CCDC167: variants seen among roughly 807,000 people sequenced by gnomAD.
The protein encoded by CCDC167 is coiled-coil domain-containing protein 167.
A neutral mutation model predicts 12.7 loss-of-function variants in CCDC167; 15 were observed. The observed-to-expected ratio is 1.18, with a 90% CI of 0.79 to 1.81. CCDC167 has a LOEUF of 1.81. Among genes scored for constraint, CCDC167 ranks in the 40% most tolerant of loss-of-function variants. The pLI is 0.00. For synonymous variants in CCDC167, 52 were observed against 49.0 expected, an observed-to-expected ratio of 1.06 and a Z score of -0.26; for missense variants, 121 against 120.1, an observed-to-expected ratio of 1.01 and a Z score of -0.03.
At chr6:37,485,054 TG>T (rs1240794958) in intron 2 of CCDC167, 45 bp downstream of exon 2, 2 of 1,259,532 alleles carry the variant, frequency 1.6e-6, no homozygotes, top group Non-Finnish European at 2.2e-6. Flanking sequence ...ATACAGGGGG[TG>T]GGGGCCTGAT....
At chr6:37,486,726 C>A (rs887290446) in intron 1 of CCDC167, among the ~76,000 whole-genome samples, 3 of 152,172 alleles carry the variant, frequency 2.0e-5, no homozygotes, top group Admixed American at 6.5e-5. Flanking sequence ...ACAGACCCAG[C>A]CAGGAGATGG....
chr6:37,493,363 C>A (rs1395810110), intron 1 of CCDC167, among the ~76,000 whole-genome samples: 2 of 152,230 alleles, frequency 1.3e-5, no homozygotes, highest in African/African-American at 2.4e-5. Flanking sequence ...AAAGCTTGTT[C>A]ATCGCTGAAA....
chr6:37,496,627 A>G (rs1268344932), intron 1 of CCDC167, among the ~76,000 whole-genome samples: 1 of 152,180 alleles, frequency 6.6e-6, no homozygotes, highest in Non-Finnish European at 1.5e-5. Flanking sequence ...AAAGAAATAC[A>G]AAGGCTGGAG....
At chr6:37,490,221 G>A (rs911526466) in intron 1 of CCDC167, among the ~76,000 whole-genome samples, 2 of 152,146 alleles carry the variant, frequency 1.3e-5, no homozygotes, top group South Asian at 2.1e-4. Context: ...CTGTGTGAGC[G>A]GTCCAGGGGC....
intron 1 of CCDC167, among the ~76,000 whole-genome samples, chr6:37,487,538 TA>T (rs923964812): frequency 2.0e-5 from 3 of 152,254 alleles, no homozygotes; most frequent in African/African-American, 7.2e-5. Flanking sequence ...GTCTTAGTCC[TA>T]GGTGAGATTT....
At position 37,483,293 on chromosome 6, in the gene CCDC167, G is replaced by A; in HGVS notation, c.191-4C>T. 6.2e-7 allele frequency: 1 copy of A among 1,606,032 alleles called. No homozygotes were observed. Among genetic ancestry groups the A allele is most frequent in the South Asian group, 1.1e-5 (1 of 90,878 alleles). On this transcript the variant is annotated splice_polypyrimidine_tract_variant and splice_region_variant and intron_variant, in intron 3 of 3. Transcript: ENST00000373408. ...CGAAGAAACTTCAGTTCCTTCTCTG[G>A]GAGGAAAGAGGGTGATAGGGATAGG...
intron 1 of CCDC167, among the ~76,000 whole-genome samples, chr6:37,489,295 T>A (rs1482858505): frequency 1.3e-5 from 2 of 151,808 alleles, no homozygotes; most frequent in Non-Finnish European, 2.9e-5. Flanking sequence ...GGAATCTCCA[T>A]GAGTTGCTGA....
chr6:37,484,407 G>A (rs1761913223), intron 3 of CCDC167, among the ~76,000 whole-genome samples: 2 of 145,402 alleles, frequency 1.4e-5, no homozygotes, highest in Admixed American at 7.0e-5. Flanking sequence ...AGCCCTTGCC[G>A]TACCCAAGTG....
intron 1 of CCDC167, among the ~76,000 whole-genome samples, chr6:37,486,614 G>C (rs1322928792): frequency 6.6e-6 from 1 of 152,166 alleles, no homozygotes; most frequent in Non-Finnish European, 1.5e-5. Context: ...CCATAAGCAG[G>C]GCCCTGTGGG....
In CCDC167 at chr6:37,494,805, A is replaced by ATTTTTTTTTTTTTTT. The variant is rs201478338; in HGVS notation, c.42+5002_42+5016dup. Among the ~76,000 whole-genome samples, 206 of 115,206 alleles carry ATTTTTTTTTTTTTTT rather than the reference A, an allele frequency of 1.8e-3. 13 individuals are homozygous for ATTTTTTTTTTTTTTT. The highest frequency in any genetic ancestry group is 9.0e-3 in the South Asian group (34 of 3,762). The allele number at this position is 115,206 out of a possible 152,430, so 75.6% of individuals were successfully genotyped here. A position where few individuals can be genotyped will look rare whatever the true frequency, so the allele number is the denominator to read the frequency against. On this transcript the variant is annotated intron_variant, in intron 1 of 3. Transcript: ENST00000373408. ...AATGCCAGTAGCCACCTACCTACAA[A>ATTTTTTTTTTTTTTT]TTTTTTTTTTTTTTTTGAGACGGGG...
At chr6:37,494,666 T>G (rs1762074097) in intron 1 of CCDC167, among the ~76,000 whole-genome samples, 1 of 152,118 alleles carries the variant, frequency 6.6e-6, no homozygotes, top group Admixed American at 6.5e-5. Flanking sequence ...TCCTCCTCCT[T>G]CCTGAGTTAA....
intron 1 of CCDC167, among the ~76,000 whole-genome samples, chr6:37,498,812 G>C (rs983372317): frequency 1.5e-5 from 2 of 130,566 alleles, no homozygotes; most frequent in African/African-American, 5.8e-5. Flanking sequence ...ACAACAGAGC[G>C]AGACTCTGTC....
intron 1 of CCDC167, among the ~76,000 whole-genome samples, chr6:37,493,603 T>C (rs1762058521): frequency 6.6e-6 from 1 of 152,240 alleles, no homozygotes. Context: ...GTGAGGCTCA[T>C]TTAATGGTCA....
rs70977666 is a variant in CCDC167, at chr6:37,494,056, CTTTTTTTTTT to C, written c.42+5756_42+5765del. 1.6e-3 allele frequency among the ~76,000 whole-genome samples: 149 copies of C among 91,376 alleles called. 1 individual carries two copies. Among genetic ancestry groups the C allele is most frequent in the African/African-American group, 5.4e-3 (127 of 23,438 alleles). 59.9% of individuals were successfully genotyped at this position (91,376 alleles called of 152,430 possible). Reference sequence around the variant, plus strand: ...CACTTCTCATGGTCAGTGATCCTGCCTTTTTTTTTTTTTTTTTTTTTTTTTTGAGACGAAG... The same window carrying C: ...CACTTCTCATGGTCAGTGATCCTGCCTTTTTTTTTTTTTTTTGAGACGAAG... On this transcript the variant is annotated intron_variant, in intron 1 of 3. Coordinates refer to ENST00000373408, the MANE Select transcript of CCDC167 (RefSeq NM_138493.3).
chr6:37,490,027 TG>T (rs1761996599), intron 1 of CCDC167, among the ~76,000 whole-genome samples: 1 of 152,150 alleles, frequency 6.6e-6, no homozygotes. Flanking sequence ...AATTTTTACA[TG>T]GGGAAAAAGC....
intron 3 of CCDC167, among the ~76,000 whole-genome samples, chr6:37,484,406 C>G (rs1303700977): frequency 6.7e-6 from 1 of 150,174 alleles, no homozygotes; most frequent in African/African-American, 2.4e-5. Flanking sequence ...GAGCCCTTGC[C>G]GTACCCAAGT....
intron 1 of CCDC167, among the ~76,000 whole-genome samples, chr6:37,497,250 T>G (rs1247556296): frequency 6.6e-6 from 1 of 152,238 alleles, no homozygotes. Context: ...AAGTTGCCTC[T>G]AATATTGAAT....
rs758827762 is a variant in CCDC167, at chr6:37,483,217, A to G, written c.263T>C (p.Leu88Pro). Residue 88 changes from leucine (L) to proline (P), a missense_variant, in exon 4 of 4, where the codon CTG becomes CCG. Transcript: ENST00000373408. ...MLLSVAIFIL[L>P]TLVYAYWTM The stretch of plus-strand genomic sequence containing the variant: ...GGTCCAGTAGGCATAGACGAGCGTC[A>G]GGAGGATAAAGATGGCCACAGAGAG... The G allele has an allele frequency of 6.2e-7, 1 of 1,614,124 alleles. No homozygotes were observed. Among genetic ancestry groups the G allele is most frequent in the Admixed American group, 1.7e-5 (1 of 60,032 alleles).
At chr6:37,483,394 C>A (rs1761896927) in intron 3 of CCDC167, 105 bp from the exon 4 acceptor site, 1 of 730,700 alleles carries the variant, frequency 1.4e-6, no homozygotes, top group East Asian at 2.6e-5. Flanking sequence ...CAAAGACGCA[C>A]CCTTCCAGCC....
Sources: allele counts gnomAD v4.1 joint callset (sites outside exome capture counted in the v4.1 genomes callset), GRCh38; gene constraint gnomAD v4.1.1; transcripts MANE v1.5; gene names NCBI Gene and HGNC (gene_info 2026-07-23, HGNC 2026-07-21).